Variants in GLIS3 observed in about 807,000 individuals in gnomAD.
GLIS3 encodes GLIS family zinc finger 3.
A neutral mutation model predicts 78.6 loss-of-function variants in GLIS3; 53 were observed. The observed-to-expected ratio is 0.67, with a 90% CI of 0.54 to 0.85. The LOEUF (loss-of-function observed/expected upper bound fraction) is 0.85, where lower values mean the gene tolerates loss of function less well. Ranked by LOEUF, GLIS3 falls within the 40% of genes least tolerant of loss-of-function variation. The probability of loss-of-function intolerance (pLI) is 0.00; values close to 1 mark genes in which losing one functional copy is unlikely to be tolerated. For synonymous variants in GLIS3, 684 were observed against 509.9 expected (o/e 1.34, Z -4.60); for missense variants, 1,703 against 1,231.1 (o/e 1.38, Z -5.74).
chr9:3,914,031 AAAG>A lies in GLIS3; in HGVS notation c.1984-15199_1984-15197del, dbSNP rs145919145. Among the ~76,000 whole-genome samples the A allele has an allele frequency of 4.3e-3, 660 of 152,356 alleles. 3 individuals carry two copies. Among genetic ancestry groups the A allele is most frequent in the Non-Finnish European group, 5.7e-3 (387 of 68,030 alleles). Reference sequence around the variant, plus strand: ...CGTCACATGCAACATCAGGGGAAGAAAAGAATGGGGCAGTTTAAGTATGCCTAA... The same window carrying A: ...CGTCACATGCAACATCAGGGGAAGAAAATGGGGCAGTTTAAGTATGCCTAA... On this transcript the variant is annotated intron_variant, in intron 6 of 10. Transcript: ENST00000381971.
intron 4 of GLIS3, among the ~76,000 whole-genome samples, chr9:4,059,825 T>TGAGAGAGAGAGA (rs1469909194): frequency 8.3e-5 from 10 of 120,364 alleles, no homozygotes; most frequent in African/African-American, 3.2e-4. Flanking sequence ...TGTGTGTGTG[T>TGAGAGAGAGAGA]GTGTGAGAGA....
intron 2 of GLIS3, among the ~76,000 whole-genome samples, chr9:4,228,697 C>G (rs573410729): frequency 6.6e-6 from 1 of 152,164 alleles, no homozygotes; most frequent in Non-Finnish European, 1.5e-5. Flanking sequence ...CATCTTTGCT[C>G]TTAATAATCT....
intron 4 of GLIS3, among the ~76,000 whole-genome samples, chr9:3,981,473 C>T (rs1342831128): frequency 1.3e-5 from 2 of 152,160 alleles, no homozygotes; most frequent in Non-Finnish European, 2.9e-5. Context: ...GCAGCTCAGC[C>T]ATCACCTCCT....
At chr9:4,202,941 G>C (rs765500335) in intron 2 of GLIS3, among the ~76,000 whole-genome samples, 7 of 152,096 alleles carry the variant, frequency 4.6e-5, no homozygotes, top group Non-Finnish European at 1.0e-4. Context: ...TAAAGTCAAA[G>C]GCAATTGCAA....
chr9:4,247,406 A>G (rs953072826), intron 2 of GLIS3, among the ~76,000 whole-genome samples: 6 of 152,244 alleles, frequency 3.9e-5, no homozygotes, highest in Non-Finnish European at 8.8e-5. Flanking sequence ...AAACAGAAGC[A>G]TAATATAAAG....
At chr9:4,392,297 T>G in the GLIS3 span, among the ~76,000 whole-genome samples, 2 of 151,982 alleles carry the variant, frequency 1.3e-5, no homozygotes, top group Non-Finnish European at 2.9e-5. Context: ...CATGCTGTGC[T>G]TAATATCTAG....
chr9:4,103,839 C>G (rs1317332940), intron 4 of GLIS3, among the ~76,000 whole-genome samples: 1 of 152,134 alleles, frequency 6.6e-6, no homozygotes, highest in Admixed American at 6.6e-5. Context: ...TGATGGCAGG[C>G]TAACTTGGAA....
At chr9:4,447,114 C>T in the GLIS3 span, among the ~76,000 whole-genome samples, 16 of 151,952 alleles carry the variant, frequency 1.1e-4, no homozygotes, top group Admixed American at 7.9e-4. Context: ...GTGGCACAAT[C>T]GCAGCTCACT....
the GLIS3 span, among the ~76,000 whole-genome samples, chr9:4,414,663 G>T: frequency 6.6e-6 from 1 of 151,894 alleles, no homozygotes; most frequent in African/African-American, 2.4e-5. Context: ...CTGTAGTCAG[G>T]TTGCTCAACC....
In GLIS3 at chr9:4,128,207, G is replaced by A. The variant is rs1402516209; in HGVS notation, c.389-2266C>T. Among the ~76,000 whole-genome samples, 2 of 152,124 alleles carry A rather than the reference G, an allele frequency of 1.3e-5. 1 individual carries two copies. Among genetic ancestry groups the A allele is most frequent in the Non-Finnish European group, 2.9e-5 (2 of 68,032 alleles). On this transcript the variant is annotated intron_variant, in intron 2 of 10. Transcript: ENST00000381971. Reference sequence around the variant, plus strand: ...TAGTGAGCACCTCTGCATCTTTAAGGTCTCAATGCAAGGGTCACCTCCTAT... The same window carrying A: ...TAGTGAGCACCTCTGCATCTTTAAGATCTCAATGCAAGGGTCACCTCCTAT...
intron 4 of GLIS3, among the ~76,000 whole-genome samples, chr9:4,076,827 C>T (rs923571073): frequency 1.3e-5 from 2 of 152,060 alleles, no homozygotes; most frequent in South Asian, 4.2e-4. Flanking sequence ...GAGGTCAAGG[C>T]GAGGGAATGG....
At chr9:4,400,376 A>G in the GLIS3 span, among the ~76,000 whole-genome samples, 2 of 151,212 alleles carry the variant, frequency 1.3e-5, no homozygotes, top group African/African-American at 2.4e-5. Context: ...AGTTGTAAAA[A>G]TAAGTAATTC....
At chr9:4,074,175 T>C (rs1827859912) in intron 4 of GLIS3, among the ~76,000 whole-genome samples, 1 of 152,310 alleles carries the variant, frequency 6.6e-6, no homozygotes, top group African/African-American at 2.4e-5. Flanking sequence ...AGCCTAGGGA[T>C]GGTCAATATC....
In GLIS3 at chr9:3,977,617, G is replaced by A. The variant is rs1331576258; in HGVS notation, c.1711-40428C>T. ...TTTTCAATAACAAATCTGTCACTCC[G>A]ATTTTAATTAGACGGCTTAAAGCAG... is the stretch of plus-strand genomic sequence containing the variant. On this transcript the variant is annotated intron_variant, in intron 4 of 10. Transcript: ENST00000381971. The surrounding 1 kb of genome is among the most constrained non-coding windows in gnomAD (Gnocchi z 4.1). 2.0e-5 allele frequency among the ~76,000 whole-genome samples: 3 copies of A among 152,232 alleles called. No homozygotes were observed. The highest frequency in any genetic ancestry group is 2.1e-4 in the South Asian group (1 of 4,820).
intron 2 of GLIS3, among the ~76,000 whole-genome samples, chr9:4,198,093 A>G (rs963488628): frequency 3.3e-5 from 5 of 152,206 alleles, no homozygotes; most frequent in Non-Finnish European, 5.9e-5. Context: ...GCACCAAGAA[A>G]TATCTGAATG....
At chr9:4,324,917 G>A (rs540096744) in intron 2 of GLIS3, among the ~76,000 whole-genome samples, 10 of 152,082 alleles carry the variant, frequency 6.6e-5, no homozygotes, top group Non-Finnish European at 1.0e-4. Context: ...GTATCTTTAC[G>A]TGCTAAATAG....
At chr9:4,410,751 T>C in the GLIS3 span, among the ~76,000 whole-genome samples, 14 of 152,220 alleles carry the variant, frequency 9.2e-5, no homozygotes, top group Admixed American at 4.6e-4. Flanking sequence ...TAGGTACTCT[T>C]TGGCAAAATT....
intron 2 of GLIS3, among the ~76,000 whole-genome samples, chr9:4,259,752 T>C (rs1482428886): frequency 6.6e-6 from 1 of 152,218 alleles, no homozygotes. Flanking sequence ...CAGCACCCTC[T>C]TGTCACTGTG....
chr9:4,201,397 C>T (rs1232902422), intron 2 of GLIS3, among the ~76,000 whole-genome samples: 6 of 152,134 alleles, frequency 3.9e-5, no homozygotes, highest in Non-Finnish European at 7.4e-5. Flanking sequence ...CAAACTGTCC[C>T]GTCTTTGTGG....
Sources: gnomAD v4.1 joint callset for allele counts (sites outside exome capture counted in the v4.1 genomes callset) on GRCh38, gnomAD v4.1.1 for gene constraint, Gnocchi (gnomAD v3.1) non-coding constraint, MANE v1.5 for transcripts, NCBI Gene and HGNC (gene_info 2026-07-23, HGNC 2026-07-21) for gene names.